Variants in CD200 observed in about 807,000 individuals in gnomAD.
CD200 encodes OX-2 membrane glycoprotein.
A neutral mutation model predicts 30.9 loss-of-function variants in CD200; 15 were observed. The observed-to-expected ratio is 0.49, with a 90% CI of 0.32 to 0.75. The LOEUF (loss-of-function observed/expected upper bound fraction) is 0.75, where lower values mean the gene tolerates loss of function less well. Among genes scored for constraint, CD200 ranks in the 30% least tolerant of loss-of-function variants. The probability of loss-of-function intolerance (pLI) is 0.03; values close to 1 mark genes in which losing one functional copy is unlikely to be tolerated. For missense variants in CD200, 262 were observed against 324.2 expected (o/e 0.81, Z 1.47); for synonymous variants, 134 against 126.2 (o/e 1.06, Z -0.41).
chr3:112,339,927 C>T (rs1301183574), intron 1 of CD200, among the ~76,000 whole-genome samples: 2 of 152,074 alleles, frequency 1.3e-5, no homozygotes, highest in Non-Finnish European at 2.9e-5. Flanking sequence ...TTTGTGAACC[C>T]CCAGGAATGC....
chr3:112,345,352 T>C lies in CD200; in HGVS notation c.421+64T>C, dbSNP rs113545453. ...ACTATTTGCAAGAATGTTTGGAATA[T>C]AGCCGTAGTGCCCAGTTTTTCAGGA... On this transcript the variant is annotated intron_variant, in intron 3 of 5. Transcript: ENST00000315711. The C allele has an allele frequency of 9.0e-4, 1,207 of 1,346,502 alleles. 9 individuals are homozygous for C. The African/African-American group carries it at 0.016, about 18-fold the overall frequency. The allele number at this position is 1,346,502 out of a possible 1,614,324, so 83.4% of individuals were successfully genotyped here. A position where few individuals can be genotyped will look rare whatever the true frequency, so the allele number is the denominator to read the frequency against.
At position 112,342,338 on chromosome 3, in the gene CD200, CTTCT is replaced by C. The variant is rs869284838; in HGVS notation, c.94+1445_94+1448del. ...CTTTCTTTCTTTCTTTCTTTCTTTC[CTTCT>C]TTCTTTCTTTCTTTCTTTCTTTCTT... On this transcript the variant is annotated intron_variant, in intron 2 of 5. Coordinates refer to ENST00000315711, the MANE Select transcript of CD200 (RefSeq NM_005944.7). 8.0e-3 allele frequency among the ~76,000 whole-genome samples: 174 copies of C among 21,874 alleles called. 2 individuals carry two copies. The highest frequency in any genetic ancestry group is 0.029 in the East Asian group (15 of 526). The allele number at this position is 21,874 out of a possible 152,430, so 14.4% of individuals were successfully genotyped here.
At chr3:112,353,082 A>G (rs763112076) in intron 5 of CD200, among the ~76,000 whole-genome samples, 1 of 152,206 alleles carries the variant, frequency 6.6e-6, no homozygotes, top group Non-Finnish European at 1.5e-5. Flanking sequence ...ATTTTCCACC[A>G]TCTCGAAATA....
At chr3:112,333,854 G>A (rs2081053424) in intron 1 of CD200, 23 of 985,388 alleles carry the variant, frequency 2.3e-5, no homozygotes, top group Non-Finnish European at 2.8e-5. Flanking sequence ...GGTTAACCCC[G>A]GGTATCTAGA....
intron 2 of CD200, among the ~76,000 whole-genome samples, chr3:112,344,482 T>C (rs190228962): frequency 6.6e-6 from 1 of 152,332 alleles, no homozygotes; most frequent in East Asian, 1.9e-4. Context: ...ACACCTCTGT[T>C]CCACCTGCTT....
chr3:112,335,103 C>G (rs1576579785), intron 1 of CD200, among the ~76,000 whole-genome samples: 1 of 152,106 alleles, frequency 6.6e-6, no homozygotes, highest in Admixed American at 6.5e-5. Context: ...GGCAATGGAG[C>G]CTGAGGAAAT....
At chr3:112,346,805 A>G (rs1328235098) in intron 3 of CD200, among the ~76,000 whole-genome samples, 1 of 152,228 alleles carries the variant, frequency 6.6e-6, no homozygotes, top group Non-Finnish European at 1.5e-5. Context: ...CTATATTCCA[A>G]CAAAAATGAA....
intron 2 of CD200, among the ~76,000 whole-genome samples, chr3:112,342,165 G>A (rs754796817): frequency 9.2e-5 from 14 of 151,836 alleles, no homozygotes; most frequent in Non-Finnish European, 1.6e-4. Context: ...AATTCACTGC[G>A]ATATTTGAAA....
intron 1 of CD200, among the ~76,000 whole-genome samples, chr3:112,335,162 A>T (rs1162018407): frequency 6.6e-6 from 1 of 152,206 alleles, no homozygotes; most frequent in Admixed American, 6.5e-5. Context: ...ATAGGATGGA[A>T]CAGTCTCAGT....
At position 112,345,200 on chromosome 3, in the gene CD200, C is replaced by T; in HGVS notation, c.333C>T (p.Ile111=). ...ACTCAACCATCACCTTCTGGAATATCACCCTGGAGGATGAAGGGTGTTACA... is the reference window on the plus strand; with the variant it reads ...ACTCAACCATCACCTTCTGGAATATTACCCTGGAGGATGAAGGGTGTTACA... ...LQNSTITFWN[I]TLEDEGCYMC... Residue 111 remains isoleucine (I), a synonymous_variant, in exon 3 of 6, where the codon ATC becomes ATT. Transcript: ENST00000315711. 1 of 1,614,090 alleles carries T rather than the reference C, an allele frequency of 6.2e-7. No homozygotes were observed. Among genetic ancestry groups the T allele is most frequent in the Non-Finnish European group, 8.5e-7 (1 of 1,179,942 alleles).
intron 5 of CD200, among the ~76,000 whole-genome samples, chr3:112,360,263 G>A (rs2081712786): frequency 6.6e-6 from 1 of 152,014 alleles, no homozygotes; most frequent in Admixed American, 6.6e-5. Flanking sequence ...AGGAGGTGGA[G>A]GTTACAGGGA....
At chr3:112,361,439 A>T (rs1254018773) in intron 5 of CD200, 104 bp from the exon 6 acceptor site, 2 of 948,498 alleles carry the variant, frequency 2.1e-6, no homozygotes, top group East Asian at 4.9e-5. Context: ...ATACACTAGA[A>T]TAACTCTGTG....
chr3:112,344,075 A>C (rs1393762779), intron 2 of CD200, among the ~76,000 whole-genome samples: 1 of 152,090 alleles, frequency 6.6e-6, no homozygotes, highest in South Asian at 2.1e-4. Context: ...CTCATTTTCT[A>C]TATCTCTAAT....
rs76696866 is a variant in CD200 at position 112,358,931 on chromosome 3, G to GAGAAAGAAAGAA, written c.803-2601_803-2600insAAGAAAGAAAGA. ...AGAAAAGTGAGAGGAAAGAAAGAGA[G>GAGAAAGAAAGAA]AGAAAGAAAGAGAGAAACAAAACGA... On this transcript the variant is annotated intron_variant, in intron 5 of 5. Coordinates refer to ENST00000315711, the MANE Select transcript of CD200 (RefSeq NM_005944.7). 1.3e-3 allele frequency among the ~76,000 whole-genome samples: 181 copies of GAGAAAGAAAGAA among 139,782 alleles called. 2 individuals carry two copies. In the East Asian group the frequency reaches 0.023, roughly 18 times the overall value. 91.7% of individuals were successfully genotyped at this position (139,782 alleles called of 152,430 possible).
At chr3:112,335,828 C>T in intron 1 of CD200, 1 of 789,502 alleles carries the variant, frequency 1.3e-6, no homozygotes, top group Admixed American at 1.8e-5. Context: ...TCACCCAGAC[C>T]ATGACAGCTC....
intron 5 of CD200, among the ~76,000 whole-genome samples, chr3:112,351,938 G>C (rs2081540396): frequency 6.6e-6 from 1 of 152,064 alleles, no homozygotes; most frequent in Admixed American, 6.5e-5. Flanking sequence ...CAGCTCTCAT[G>C]GGAACTAACA....
chr3:112,342,303 TTCCTTTC>T lies in CD200; in HGVS notation c.94+1322_94+1328del, dbSNP rs1437921137. On this transcript the variant is annotated intron_variant, in intron 2 of 5. Transcript: ENST00000315711. The stretch of plus-strand genomic sequence containing the variant: ...CTTCCTTCCTTCCTTCCTTCCTTCC[TTCCTTTC>T]TTCTTTCTTTCTTTCTTTCTTTCTT... Among the ~76,000 whole-genome samples, 167 of 50,430 alleles carry T rather than the reference TTCCTTTC, an allele frequency of 3.3e-3. 16 individuals carry two copies. The highest frequency in any genetic ancestry group is 0.024 in the East Asian group (53 of 2,234). The allele number at this position is 50,430 out of a possible 152,430, so 33.1% of individuals were successfully genotyped here.
intron 1 of CD200, among the ~76,000 whole-genome samples, chr3:112,338,901 G>T (rs1424910337): frequency 6.6e-6 from 1 of 152,126 alleles, no homozygotes; most frequent in Non-Finnish European, 1.5e-5. Context: ...GACTGCCTGG[G>T]CTTAAATCCC....
chr3:112,345,009 T>G lies in CD200; in HGVS notation c.142T>G (p.Ser48Ala). 3.1e-6 allele frequency: 5 copies of G among 1,614,072 alleles called. No homozygotes were observed. Among genetic ancestry groups the G allele is most frequent in the Non-Finnish European group, 4.2e-6 (5 of 1,179,976 alleles). Residue 48 changes from serine (S) to alanine (A), a missense_variant, in exon 3 of 6, where the codon TCC (serine) becomes GCC (alanine). Transcript: ENST00000315711. ...AAGAGAGCAGCTGTACACACCTGCT[T>G]CCTTAAAATGCTCTCTGCAAAATGC... ...DEREQLYTPA[S>A]LKCSLQNAQE...
Sources: gnomAD v4.1 joint callset for allele counts (sites outside exome capture counted in the v4.1 genomes callset) on GRCh38, gnomAD v4.1.1 for gene constraint, MANE v1.5 for transcripts, NCBI Gene and HGNC (gene_info 2026-07-23, HGNC 2026-07-21) for gene names.